The following ANXA2 variants were observed in gnomAD, a reference collection of about 807,000 sequenced individuals.
ANXA2 encodes the protein annexin II.
A neutral mutation model predicts 47.3 loss-of-function variants in ANXA2; 28 were observed. The observed-to-expected ratio is 0.59, with a 90% confidence interval of 0.44 to 0.81. The LOEUF is 0.81. Ranked by LOEUF, ANXA2 falls within the 40% of genes least tolerant of loss-of-function variation. The probability of loss-of-function intolerance (pLI) is 0.00; values close to 1 mark genes in which losing one functional copy is unlikely to be tolerated. For missense variants in ANXA2, 384 were observed against 414.3 expected (o/e 0.93, Z 0.64); for synonymous variants, 172 against 155.5 (o/e 1.11, Z -0.79).
intron 3 of ANXA2, among the ~76,000 whole-genome samples, chr15:60,376,011 G>A (rs147245136): frequency 5.6e-4 from 86 of 152,240 alleles, no homozygotes; most frequent in African/African-American, 2.0e-3. Flanking sequence ...CTCTGTAGAG[G>A]GCCGTGAACA....
intron 3 of ANXA2, among the ~76,000 whole-genome samples, chr15:60,380,359 T>C (rs1457309521): frequency 1.3e-5 from 2 of 152,012 alleles, no homozygotes; most frequent in African/African-American, 4.8e-5. Context: ...AGCCAGCATT[T>C]GAACCTGGGC....
chr15:60,361,626 T>A (rs2140829268), intron 4 of ANXA2: 1 of 152,802 alleles, frequency 6.5e-6, no homozygotes, highest in South Asian at 2.1e-4. Context: ...AGAAAATATC[T>A]CCTTGTCCAC....
chr15:60,379,964 A>G lies in ANXA2; in HGVS notation c.148+2378T>C, dbSNP rs116169401. Among the ~76,000 whole-genome samples the G allele has an allele frequency of 4.2e-3, 634 of 152,346 alleles. 2 individuals are homozygous for G. Among genetic ancestry groups the G allele is most frequent in the African/African-American group, 0.014 (569 of 41,574 alleles). On this transcript the variant is annotated intron_variant, in intron 3 of 12. Transcript: ENST00000451270. Reference sequence around the variant, plus strand: ...ACTAAGTGCTTTCTCACGCAGGGACAAAAGAAGTCTTTGTCCCATGCTTGT... The same window carrying G: ...ACTAAGTGCTTTCTCACGCAGGGACGAAAGAAGTCTTTGTCCCATGCTTGT...
At chr15:60,348,398 T>G (rs1440383512) in intron 12 of ANXA2, among the ~76,000 whole-genome samples, 1 of 152,124 alleles carries the variant, frequency 6.6e-6, no homozygotes. Context: ...TCTGAATAAC[T>G]GAAAGTTGTT....
intron 4 of ANXA2, among the ~76,000 whole-genome samples, chr15:60,364,129 G>A (rs559501047): frequency 6.6e-6 from 1 of 152,258 alleles, no homozygotes; most frequent in South Asian, 2.1e-4. Flanking sequence ...TCAGATCAAC[G>A]GTGGCATGAG....
intron 1 of ANXA2, among the ~76,000 whole-genome samples, chr15:60,397,564 C>A (rs887285430): frequency 1.3e-5 from 2 of 152,102 alleles, no homozygotes; most frequent in African/African-American, 2.4e-5. Context: ...CGGGGACCTG[C>A]GGCTCCCTGG....
At chr15:60,371,924 G>A (rs961938344) in intron 3 of ANXA2, among the ~76,000 whole-genome samples, 6 of 152,084 alleles carry the variant, frequency 3.9e-5, no homozygotes, top group African/African-American at 1.2e-4. Context: ...GGCCAAGGTG[G>A]GCGGACCACG....
intron 3 of ANXA2, among the ~76,000 whole-genome samples, chr15:60,376,371 ACT>A (rs1039675695): frequency 5.3e-5 from 8 of 151,062 alleles, no homozygotes; most frequent in African/African-American, 2.0e-4. Flanking sequence ...CAAGAGCAAA[ACT>A]CTGTCTCAAA....
intron 3 of ANXA2, among the ~76,000 whole-genome samples, chr15:60,373,628 C>T (rs1272817377): frequency 6.6e-6 from 1 of 152,214 alleles, no homozygotes; most frequent in Non-Finnish European, 1.5e-5. Context: ...GGATAAGTAG[C>T]AGCCACAATA....
chr15:60,353,434 T>G (rs1018898980), intron 8 of ANXA2, among the ~76,000 whole-genome samples: 2 of 152,220 alleles, frequency 1.3e-5, no homozygotes, highest in Admixed American at 1.3e-4. Flanking sequence ...CTGATTGGTA[T>G]GCACAGCCAC....
At chr15:60,369,656 A>T (rs2062686634) in intron 3 of ANXA2, among the ~76,000 whole-genome samples, 1 of 152,220 alleles carries the variant, frequency 6.6e-6, no homozygotes, top group Non-Finnish European at 1.5e-5. Context: ...GCACCTGAGA[A>T]CTACTAAGGA....
At chr15:60,376,064 G>A (rs114991665) in intron 3 of ANXA2, among the ~76,000 whole-genome samples, 198 of 152,248 alleles carry the variant, frequency 1.3e-3, no homozygotes, top group African/African-American at 4.4e-3. Context: ...AAAGGCTGAA[G>A]CAGGGAGGTC....
intron 1 of ANXA2, among the ~76,000 whole-genome samples, chr15:60,388,229 G>C (rs1289468602): frequency 6.6e-6 from 1 of 151,978 alleles, no homozygotes; most frequent in Non-Finnish European, 1.5e-5. Context: ...TTGCTCTGTA[G>C]CAGAACCGTC....
At chr15:60,363,590 A>C (rs559751062) in intron 4 of ANXA2, among the ~76,000 whole-genome samples, 1 of 152,346 alleles carries the variant, frequency 6.6e-6, no homozygotes, top group South Asian at 2.1e-4. Context: ...ACGTCCTTAA[A>C]AATAAAATTT....
At chr15:60,368,467 T>G (rs1264898160) in intron 3 of ANXA2, among the ~76,000 whole-genome samples, 1 of 152,108 alleles carries the variant, frequency 6.6e-6, no homozygotes, top group African/African-American at 2.4e-5. Context: ...TTAAATGTTC[T>G]TTTTTCCATG....
intron 11 of ANXA2, 137 bp downstream of exon 11, chr15:60,351,056 A>G: frequency 1.3e-6 from 1 of 780,448 alleles, no homozygotes; most frequent in Non-Finnish European, 2.1e-6. Flanking sequence ...ACATACAACC[A>G]CAGCTGACTA....
rs2140812315 is a variant in ANXA2 at position 60,358,415 on chromosome 15, T to C, written c.358-1179A>G. On this transcript the variant is annotated intron_variant, in intron 5 of 12. Transcript: ENST00000451270. ...CGAATATGGAACTATCACTTTGAAC[T>C]AAGTAGAATTACAACTGTTTAAAAT... Among the ~76,000 whole-genome samples, 2 of 152,350 alleles carry C rather than the reference T, an allele frequency of 1.3e-5. 1 individual carries two copies. The highest frequency in any genetic ancestry group is 4.1e-4 in the South Asian group (2 of 4,830).
intron 1 of ANXA2, among the ~76,000 whole-genome samples, chr15:60,395,341 G>C (rs984243151): frequency 1.3e-5 from 2 of 152,138 alleles, no homozygotes; most frequent in African/African-American, 4.8e-5. Flanking sequence ...GAACACAGTA[G>C]GTAATTAATA....
chr15:60,363,365 A>T (rs1371145593), intron 4 of ANXA2, among the ~76,000 whole-genome samples: 4 of 152,186 alleles, frequency 2.6e-5, no homozygotes, highest in African/African-American at 4.8e-5. Flanking sequence ...GGGGGATGGA[A>T]GTGTAGCAAG....
Sources: gnomAD v4.1 joint callset for allele counts (sites outside exome capture counted in the v4.1 genomes callset) on GRCh38, gnomAD v4.1.1 for gene constraint, MANE v1.5 for transcripts, NCBI Gene and HGNC (gene_info 2026-07-23, HGNC 2026-07-21) for gene names.